The following ADAT2 variants were observed in gnomAD, a reference collection of about 807,000 sequenced individuals.
ADAT2 encodes tRNA-specific adenosine-34 deaminase catalytic subunit ADAT2.
Under a neutral mutation model 25.9 loss-of-function variants are expected in ADAT2, and 26 were observed. The observed-to-expected ratio is 1.00, with a 90% CI of 0.74 to 1.39. ADAT2 has a LOEUF of 1.39. ADAT2 is among the 40% of genes most tolerant of loss of function. ADAT2 has a pLI of 0.00. For missense variants in ADAT2, 220 were observed against 244.8 expected (o/e 0.90, Z 0.68); for synonymous variants, 76 against 86.8 (o/e 0.88, Z 0.69).
chr6:143,429,988 C>T (rs9376750), intron 4 of ADAT2, among the ~76,000 whole-genome samples: 1 of 152,060 alleles, frequency 6.6e-6, no homozygotes, highest in South Asian at 2.1e-4. Flanking sequence ...GTTCCCAGCA[C>T]TTCACTGAGT....
At position 143,427,092 on chromosome 6, in the gene ADAT2, G is replaced by A. The variant is rs905218351; in HGVS notation, c.*1371C>T. 2 of 65,418 alleles carry A rather than the reference G, an allele frequency of 3.1e-5. No individual in the cohort carries two copies. Among genetic ancestry groups the A allele is most frequent in the Non-Finnish European group, 6.2e-5 (2 of 32,166 alleles). The allele number at this position is 65,418 out of a possible 1,614,324, so 4.1% of individuals were successfully genotyped here. On this transcript the variant is annotated 3_prime_UTR_variant, in exon 6 of 6. Transcript: ENST00000237283. ...TTCTCCATAAAACTTTTCAAATGCA[G>A]TTAAACACACACACACACACACACA...
chr6:143,436,454 TA>T lies in ADAT2; in HGVS notation c.201+2135del. Reference sequence around the variant, plus strand: ...TTCTGGGACATCCCATCCGCAGGACTAAAAACGTCCACCACTTTCATCAGTA... The same window carrying T: ...TTCTGGGACATCCCATCCGCAGGACTAAAACGTCCACCACTTTCATCAGTA... On this transcript the variant is annotated intron_variant, in intron 2 of 5. Coordinates refer to ENST00000237283, the MANE Select transcript of ADAT2 (RefSeq NM_182503.3). The surrounding 1 kb of genome is among the most constrained non-coding windows in gnomAD (Gnocchi z 4.1). 2 of 267,790 alleles carry T rather than the reference TA, an allele frequency of 7.5e-6. No homozygotes were observed. Among genetic ancestry groups the T allele is most frequent in the Admixed American group, 3.5e-5 (1 of 28,652 alleles). 16.6% of individuals were successfully genotyped at this position (267,790 alleles called of 1,614,324 possible).
In ADAT2 at chr6:143,428,659, T is replaced by A; in HGVS notation, c.485A>T (p.Glu162Val). ...FQCIPGYRAE[E>V]AVEMLKTFYK... ...GAAGGTCTTTAACATTTCCACTGCT[T>A]CCTCAGCCCGATATCCAGGGATACA... The change falls in exon 5 of 6, where the codon GAA becomes GTA. Residue 162 changes from glutamate to valine, a missense_variant. Coordinates refer to ENST00000237283, the MANE Select transcript of ADAT2 (RefSeq NM_182503.3). The surrounding 1 kb of genome is among the most constrained non-coding windows in gnomAD (Gnocchi z 5.0). 1 of 1,614,052 alleles carries A rather than the reference T, an allele frequency of 6.2e-7. No homozygotes were observed. Among genetic ancestry groups the A allele is most frequent in the Non-Finnish European group, 8.5e-7 (1 of 1,179,988 alleles).
intron 1 of ADAT2, among the ~76,000 whole-genome samples, chr6:143,445,845 T>C (rs1779584374): frequency 6.6e-6 from 1 of 152,116 alleles, no homozygotes; most frequent in Non-Finnish European, 1.5e-5. Context: ...GTCTGTGGTG[T>C]TTGCTTTCTT....
At position 143,423,833 on chromosome 6, in the gene ADAT2, A is replaced by T. The variant is rs1175802392; in HGVS notation, c.*4630T>A. Reference sequence around the variant, plus strand: ...ATTGGGGATGTGGGATTCTCTCTAAACTAGCTTAGCAGGATTCTTGCTAAA... The same window carrying T: ...ATTGGGGATGTGGGATTCTCTCTAATCTAGCTTAGCAGGATTCTTGCTAAA... On this transcript the variant is annotated 3_prime_UTR_variant, in exon 6 of 6. Coordinates refer to ENST00000237283, the MANE Select transcript of ADAT2 (RefSeq NM_182503.3). 3.3e-5 allele frequency: 5 copies of T among 152,172 alleles called. No individual in the cohort carries two copies. The highest frequency in any genetic ancestry group is 7.4e-5 in the Non-Finnish European group (5 of 68,020). The allele number at this position is 152,172 out of a possible 1,614,324, so 9.4% of individuals were successfully genotyped here.
chr6:143,431,631 C>T (rs548968036), intron 4 of ADAT2, among the ~76,000 whole-genome samples: 1 of 152,260 alleles, frequency 6.6e-6, no homozygotes, highest in African/African-American at 2.4e-5. Flanking sequence ...AGCTAGAAAA[C>T]TCAAGAACGT....
At chr6:143,438,814 G>T in intron 1 of ADAT2, 120 bp from the exon 2 acceptor site, 1 of 781,852 alleles carries the variant, frequency 1.3e-6, no homozygotes, top group Non-Finnish European at 2.1e-6. Flanking sequence ...AAGAAGTGCA[G>T]CCTTCCCTTT....
In ADAT2 at chr6:143,437,300, A is replaced by G. The variant is rs1217255698; in HGVS notation, c.201+1290T>C. 6.6e-6 allele frequency among the ~76,000 whole-genome samples: 1 copy of G among 152,230 alleles called. No individual in the cohort carries two copies. Among genetic ancestry groups the G allele is most frequent in the Non-Finnish European group, 1.5e-5 (1 of 68,036 alleles). On this transcript the variant is annotated intron_variant, in intron 2 of 5. Transcript: ENST00000237283. This position sits in a 1 kb window ranked among gnomAD's most constrained non-coding sequence, Gnocchi z 4.1. ...CCCTAAAACTGTTCAAACATTAGAT[A>G]TCAGTATTTTTAATCACTGATAATC...
chr6:143,445,035 T>C (rs1356851678), intron 1 of ADAT2: 2 of 1,059,580 alleles, frequency 1.9e-6, no homozygotes, highest in South Asian at 1.4e-5. Flanking sequence ...AACATCATCC[T>C]GTCCAAAAGG....
rs1326602795 is a variant in ADAT2, at chr6:143,442,502, C to CACACACACAG, written c.97-3809_97-3808insCTGTGTGTGT. Among the ~76,000 whole-genome samples, 1 of 151,830 alleles carries CACACACACAG rather than the reference C, an allele frequency of 6.6e-6. No homozygotes were observed. Among genetic ancestry groups the CACACACACAG allele is most frequent in the Admixed American group, 6.6e-5 (1 of 15,238 alleles). ...ACACACACACACACACACACACACA[C>CACACACACAG]ACACACACGTACAAATAAAACTGAT... On this transcript the variant is annotated intron_variant, in intron 1 of 5. Transcript: ENST00000237283. This position sits in a 1 kb window ranked among gnomAD's most constrained non-coding sequence, Gnocchi z 4.6.
intron 1 of ADAT2, among the ~76,000 whole-genome samples, chr6:143,439,417 A>C (rs1779392814): frequency 6.6e-6 from 1 of 151,844 alleles, no homozygotes; most frequent in Non-Finnish European, 1.5e-5. Context: ...GAATGTTAAT[A>C]GCCAAAACCT....
chr6:143,450,688 C>G lies in ADAT2; in HGVS notation c.-30G>C, dbSNP rs751627173. 1.2e-5 allele frequency: 19 copies of G among 1,608,020 alleles called. No individual in the cohort carries two copies. The Admixed American group carries it at 1.5e-4, about 13-fold the overall frequency. On this transcript the variant is annotated 5_prime_UTR_variant, in exon 1 of 6. Transcript: ENST00000237283. Reference sequence around the variant, plus strand: ...AGCCACCACTCAGCTACAGAGCCCGCGGCAGAGGAGGAGCGCGGGCAGCGG... The same window carrying G: ...AGCCACCACTCAGCTACAGAGCCCGGGGCAGAGGAGGAGCGCGGGCAGCGG...
In ADAT2 at chr6:143,446,169, T is replaced by C. The variant is rs1254794638; in HGVS notation, c.96+4394A>G. The stretch of plus-strand genomic sequence containing the variant: ...CGGGGGTTTTTTCTGTTTTTTCCTA[T>C]GCCCTGCATACACATATTTACAGTT... On this transcript the variant is annotated intron_variant, in intron 1 of 5. Transcript: ENST00000237283. The surrounding 1 kb of genome is among the most constrained non-coding windows in gnomAD (Gnocchi z 5.0). 6.6e-6 allele frequency among the ~76,000 whole-genome samples: 1 copy of C among 152,128 alleles called. No individual in the cohort carries two copies. The highest frequency in any genetic ancestry group is 1.9e-4 in the East Asian group (1 of 5,182).
intron 2 of ADAT2, 99 bp downstream of exon 2, chr6:143,438,491 G>A (rs1256365494): frequency 3.6e-6 from 3 of 829,996 alleles, no homozygotes; most frequent in Non-Finnish European, 5.9e-6. Context: ...GCAGCTACGG[G>A]ACTATATTCA....
At position 143,450,642 on chromosome 6, in the gene ADAT2, G is replaced by A. The variant is rs896590401; in HGVS notation, c.17C>T (p.Ala6Val). 10 of 1,613,490 alleles carry A rather than the reference G, an allele frequency of 6.2e-6. No homozygotes were observed. Among genetic ancestry groups the A allele is most frequent in the South Asian group, 5.5e-5 (5 of 91,082 alleles). MEAKA[A>V]PKPAASGACS... is the part of the protein sequence containing the mutation. ...CGCGCCGCTTGCAGCTGGCTTGGGT[G>A]CCGCCTTCGCCTCCATACCCAGCCA... The change falls in exon 1 of 6, where the codon GCA becomes GTA. Residue 6 changes from alanine to valine, a missense_variant. Coordinates refer to ENST00000237283, the MANE Select transcript of ADAT2 (RefSeq NM_182503.3).
rs1327080874 is a variant in ADAT2, at chr6:143,425,729, GTGTT to G, written c.*2730_*2733del. On this transcript the variant is annotated 3_prime_UTR_variant, in exon 6 of 6. Coordinates refer to ENST00000237283, the MANE Select transcript of ADAT2 (RefSeq NM_182503.3). ...TCGGGGTAAAGGGCCATGGTGTGTTGTGTTTGTGTGTGTGTGTGTGTGTGTGTGT... is the reference window on the plus strand; with the variant it reads ...TCGGGGTAAAGGGCCATGGTGTGTTGTGTGTGTGTGTGTGTGTGTGTGTGT... 1 of 122,524 alleles carries G rather than the reference GTGTT, an allele frequency of 8.2e-6. No homozygotes were observed. Among genetic ancestry groups the G allele is most frequent in the Admixed American group, 9.3e-5 (1 of 10,796 alleles). The allele number at this position is 122,524 out of a possible 1,614,324, so 7.6% of individuals were successfully genotyped here.
Position 143,450,577 on chromosome 6 carries a change from C to T in ADAT2, c.82G>A (p.Glu28Lys), listed in dbSNP as rs1236506636. 3.5e-5 allele frequency: 57 copies of T among 1,614,042 alleles called. No homozygotes were observed. Among genetic ancestry groups the T allele is most frequent in the Non-Finnish European group, 4.5e-5 (53 of 1,180,040 alleles). ...SAEETEKWMEEAMHMAKEALE... is the reference protein window; with the variant it reads ...SAEETEKWMEKAMHMAKEALE... The stretch of plus-strand genomic sequence containing the variant: ...GGGCTCCTCACCATGTGCATCGCCT[C>T]CTCCATCCACTTTTCGGTCTCCTCT... Residue 28 changes from glutamate to lysine, a missense_variant, in exon 1 of 6, where the codon GAG becomes AAG. Transcript: ENST00000237283.
Position 143,425,767 on chromosome 6 carries a change from GTGTGTGTGTGTA to G in ADAT2, c.*2684_*2695del, listed in dbSNP as rs1271891164. The G allele has an allele frequency of 6.5e-5, 8 of 123,428 alleles. No homozygotes were observed. Among genetic ancestry groups the G allele is most frequent in the African/African-American group, 2.2e-4 (8 of 35,764 alleles). The allele number at this position is 123,428 out of a possible 1,614,324, so 7.6% of individuals were successfully genotyped here. A position where few individuals can be genotyped will look rare whatever the true frequency, so the allele number is the denominator to read the frequency against. On this transcript the variant is annotated 3_prime_UTR_variant, in exon 6 of 6. Coordinates refer to ENST00000237283, the MANE Select transcript of ADAT2 (RefSeq NM_182503.3). ...TGTGTGTGTGTGTGTGTGTGTGTGT[GTGTGTGTGTGTA>G]TTTTATATATATATACTTTTCCCAG...
intron 4 of ADAT2, among the ~76,000 whole-genome samples, chr6:143,430,071 G>C (rs1189332988): frequency 6.6e-6 from 1 of 152,120 alleles, no homozygotes; most frequent in Admixed American, 6.5e-5. Flanking sequence ...CAACTCTGCA[G>C]TCCTGGAGGC....
Sources: gnomAD v4.1 joint callset for allele counts (sites outside exome capture counted in the v4.1 genomes callset) on GRCh38, gnomAD v4.1.1 for gene constraint, Gnocchi (gnomAD v3.1) non-coding constraint, MANE v1.5 for transcripts, NCBI Gene and HGNC (gene_info 2026-07-23, HGNC 2026-07-21) for gene names.